The following NEB variants were observed in gnomAD, a reference collection of about 807,000 sequenced individuals.
The protein encoded by NEB is nebulin.
In NEB, 512 loss-of-function variants were observed where a neutral mutation model predicts 952.2. The ratio of observed to expected loss-of-function variants is 0.54; its 90% CI spans 0.50 to 0.58. The LOEUF is 0.58. NEB is among the 20% of genes least tolerant of loss of function. The pLI, the probability that NEB is intolerant of heterozygous loss-of-function variation, is 0.00. For synonymous variants in NEB, 2,900 were observed against 3,149.8 expected (o/e 0.92, Z 2.66); for missense variants, 8,428 against 9,231.1 (o/e 0.91, Z 3.56).
chr2:151,501,434 G>C lies in NEB; in HGVS notation c.23978C>G (p.Pro7993Arg). 1.3e-6 allele frequency: 2 copies of C among 1,547,536 alleles called. No individual in the cohort carries two copies. Among genetic ancestry groups the C allele is most frequent in the Non-Finnish European group, 1.7e-6 (2 of 1,144,610 alleles). ...LSKGTPLPVT[P>R]EMERVKLNQE... ...ATTGAGTTTGACTCGCTCCATCTCA[G>C]GAGTGACAGGTAGGGGAGTCCCCTT... The change falls in exon 168 of 182, where the codon CCT (proline) becomes CGT (arginine). Residue 7993 changes from proline to arginine, a missense_variant. Pro to Arg is a moderately radical substitution (Grantham distance 103). This residue lies in a region of NEB where 3,374 missense variants were observed against 3,651.5 expected (regional missense o/e 0.92). Transcript: ENST00000397345.
At chr2:151,525,442 A>G (rs771561363) in intron 150 of NEB, among the ~76,000 whole-genome samples, 169 bp from the exon 151 acceptor site, 2 of 152,184 alleles carry the variant, frequency 1.3e-5, no homozygotes, top group Admixed American at 6.5e-5. Context: ...GTGTCCTGCA[A>G]CCCAACACTA....
At position 151,497,657 on chromosome 2, in the gene NEB, C is replaced by G. The variant is rs753382223; in HGVS notation, c.24269G>C (p.Arg8090Thr). ...TPLPVTPEME[R>T]VKHNQENISS... ...AATATTTTCTTGATTGTGTTTGACT[C>G]TTTCCATCTCGGGAGTGACAGGTAA... is the stretch of plus-strand genomic sequence containing the variant. Residue 8090 changes from arginine to threonine, a missense_variant, in exon 171 of 182, where the codon AGA becomes ACA. Arg to Thr is a moderately conservative substitution (Grantham distance 71). Transcript: ENST00000397345. 1.9e-6 allele frequency: 3 copies of G among 1,583,708 alleles called. No homozygotes were observed. The highest frequency in any genetic ancestry group is 2.6e-6 in the Non-Finnish European group (3 of 1,162,484).
At chr2:151,645,450 A>C (rs905329618) in intron 55 of NEB, among the ~76,000 whole-genome samples, 3 of 152,224 alleles carry the variant, frequency 2.0e-5, no homozygotes, top group Non-Finnish European at 2.9e-5. Flanking sequence ...GAATTTTAAA[A>C]GCTTAAGTGA....
chr2:151,617,421 G>A lies in NEB; in HGVS notation c.11124C>T (p.Val3708=), dbSNP rs1381890849. The A allele has an allele frequency of 1.9e-6, 3 of 1,559,050 alleles. No individual in the cohort carries two copies. Among genetic ancestry groups the A allele is most frequent in the South Asian group, 2.3e-5 (2 of 85,326 alleles). ...AWDNDKKTIH[V]MPDTPEIMLA... ...ACATGATTTCTGGTGTATCAGGCATGACATGAATAGTTTTCTTGTCATTGT... is the reference window on the plus strand; with the variant it reads ...ACATGATTTCTGGTGTATCAGGCATAACATGAATAGTTTTCTTGTCATTGT... Residue 3708 remains valine (V), a synonymous_variant, in exon 75 of 182, where the codon GTC becomes GTT. Transcript: ENST00000397345.
Position 151,650,654 on chromosome 2 carries a change from T to C in NEB, c.7147A>G (p.Asn2383Asp). ...AGACATGTCCACTGATGCAGGTAGT[T>C]CTTGTAGTCCACGTCACTAACCAAC... is the stretch of plus-strand genomic sequence containing the variant. ...QELVSDVDYK[N>D]YLHQWTCLPD... is the part of the protein sequence containing the mutation. The change falls in exon 53 of 182, where the codon AAC becomes GAC. Residue 2383 changes from asparagine (N) to aspartate (D), a missense_variant. Asn to Asp is a conservative substitution (Grantham distance 23, BLOSUM62 1). Coordinates refer to ENST00000397345, the MANE Select transcript of NEB (RefSeq NM_001164508.2). 6.2e-7 allele frequency: 1 copy of C among 1,613,588 alleles called. No individual in the cohort carries two copies.
Position 151,497,032 on chromosome 2 carries a change from A to T in NEB, c.24302T>A (p.Val8101Glu), listed in dbSNP as rs1440245067. The T allele has an allele frequency of 2.6e-6, 4 of 1,566,428 alleles. No individual in the cohort carries two copies. The highest frequency in any genetic ancestry group is 3.5e-6 in the Non-Finnish European group (4 of 1,153,714). ...CTTGCCCATGTTTTCTTTGTATAACACCTGTGCGATAAGAAAGCAACCAGA... is the reference window on the plus strand; with the variant it reads ...CTTGCCCATGTTTTCTTTGTATAACTCCTGTGCGATAAGAAAGCAACCAGA... ...VKHNQENISS[V>E]LYKENMGKGT... Residue 8101 changes from valine to glutamate, a missense_variant and splice_region_variant, in exon 172 of 182, where the codon GTG (valine) becomes GAG (glutamate). Around this residue, in one of 11 missense-constraint regions of NEB, gnomAD observed 3,374 missense variants for 3,651.5 expected, o/e 0.92. Transcript: ENST00000397345.
In NEB at chr2:151,642,681, T is replaced by C. The variant is rs1157693534; in HGVS notation, c.8266A>G (p.Lys2756Glu). ...AKQNKVNYSE[K>E]LYKLGLEEAK... ...TCTTCTAGGCCAAGCTTATACAATTTCTAAAATAGACATTAATAGTAAGTT... is the reference window on the plus strand; with the variant it reads ...TCTTCTAGGCCAAGCTTATACAATTCCTAAAATAGACATTAATAGTAAGTT... Residue 2756 changes from lysine to glutamate, a missense_variant and splice_region_variant, in exon 60 of 182, where the codon AAA becomes GAA. This residue lies in a region of NEB where 1,772 missense variants were observed against 1,960.3 expected (regional missense o/e 0.90). Coordinates refer to ENST00000397345, the MANE Select transcript of NEB (RefSeq NM_001164508.2). 6.2e-7 allele frequency: 1 copy of C among 1,613,478 alleles called. No individual in the cohort carries two copies.
At position 151,679,898 on chromosome 2, in the gene NEB, C is replaced by T; in HGVS notation, c.3147+20G>A. 1 of 1,605,962 alleles carries T rather than the reference C, an allele frequency of 6.2e-7. No homozygotes were observed. The highest frequency in any genetic ancestry group is 8.5e-7 in the Non-Finnish European group (1 of 1,172,546). Reference sequence around the variant, plus strand: ...GTAAAGTCTGGACATACGCATCAGCCCGTGAGTCCACCCACGCACCTCACT... The same window carrying T: ...GTAAAGTCTGGACATACGCATCAGCTCGTGAGTCCACCCACGCACCTCACT... On this transcript the variant is annotated intron_variant, in intron 31 of 181. Coordinates refer to ENST00000397345, the MANE Select transcript of NEB (RefSeq NM_001164508.2).
In NEB at chr2:151,497,716, C is replaced by T. The variant is rs2061221130; in HGVS notation, c.24210G>A (p.Val8070=). ...VKHNQENLSS[V]LYKENMGKGT... is the part of the protein sequence containing the mutation. ...CCTTGCCCATGTTTTCTTTGTATAA[C>T]ACCTGTGCGATAAGAAAGCATCCAG... The change falls in exon 171 of 182, where the codon GTG becomes GTA. Residue 8070 remains valine, a splice_region_variant and synonymous_variant. Coordinates refer to ENST00000397345, the MANE Select transcript of NEB (RefSeq NM_001164508.2). 1 of 1,573,644 alleles carries T rather than the reference C, an allele frequency of 6.4e-7. No homozygotes were observed. The highest frequency in any genetic ancestry group is 1.3e-5 in the African/African-American group (1 of 74,188).
At position 151,607,488 on chromosome 2, in the gene NEB, T is replaced by C. The variant is rs752536032; in HGVS notation, c.12639+16A>G. 25 of 638,338 alleles carry C rather than the reference T, an allele frequency of 3.9e-5. 6 individuals are homozygous for C. Among genetic ancestry groups the C allele is most frequent in the African/African-American group, 3.2e-4 (20 of 63,156 alleles). 39.5% of individuals were successfully genotyped at this position (638,338 alleles called of 1,614,324 possible). A position where few individuals can be genotyped will look rare whatever the true frequency, so the allele number is the denominator to read the frequency against. ...TGCCCATAAAGGCTTTTACACTTCA[T>C]GTTCGTGCCACTTACATTGCTGATT... On this transcript the variant is annotated intron_variant, in intron 83 of 181. Transcript: ENST00000397345.
intron 47 of NEB, 31 bp downstream of exon 47, chr2:151,659,034 G>A (rs756156443): frequency 1.4e-6 from 2 of 1,420,338 alleles, no homozygotes; most frequent in African/African-American, 2.8e-5. Context: ...CTGCTGGAGA[G>A]AAAGATGACA....
chr2:151,705,047 C>T (rs1262568917), intron 13 of NEB, among the ~76,000 whole-genome samples: 2 of 152,140 alleles, frequency 1.3e-5, no homozygotes, highest in Admixed American at 6.5e-5. Flanking sequence ...TAAGCAATTG[C>T]AAGTTGTTTA....
At chr2:151,518,272 G>A (rs2079407366) in intron 156 of NEB, 46 bp downstream of exon 156, 1 of 1,328,614 alleles carries the variant, frequency 7.5e-7, no homozygotes, top group Non-Finnish European at 1.1e-6. Flanking sequence ...ACATTGTACT[G>A]TGGATGAATG....
At chr2:151,490,632 A>T in intron 179 of NEB, 114 bp from the exon 180 acceptor site, 2 of 1,302,640 alleles carry the variant, frequency 1.5e-6, no homozygotes, top group Non-Finnish European at 2.1e-6. Context: ...GGTTTTAAGT[A>T]CTTTCCCATG....
At chr2:151,560,901 A>G (rs887181886) in intron 123 of NEB, 103 bp downstream of exon 123, 4 of 817,208 alleles carry the variant, frequency 4.9e-6, no homozygotes, top group Non-Finnish European at 7.7e-6. Context: ...AAAAAACCAT[A>G]GAAAAGCCTT....
chr2:151,683,767 T>C (rs1392316456), intron 28 of NEB, among the ~76,000 whole-genome samples: 1 of 152,156 alleles, frequency 6.6e-6, no homozygotes, highest in Non-Finnish European at 1.5e-5. Context: ...CACATGCCCA[T>C]ATTCATAGCA....
intron 124 of NEB, among the ~76,000 whole-genome samples, chr2:151,556,024 G>C (rs972829393): frequency 6.6e-6 from 1 of 152,084 alleles, no homozygotes; most frequent in Non-Finnish European, 1.5e-5. Flanking sequence ...ATGACTCAAG[G>C]AAAAAGCCTC....
In NEB at chr2:151,668,948, A is replaced by G. The variant is rs1391784577; in HGVS notation, c.4611+79T>C. 8 of 1,102,554 alleles carry G rather than the reference A, an allele frequency of 7.3e-6. No homozygotes were observed. The East Asian group carries it at 1.6e-4, about 22-fold the overall frequency. The allele number at this position is 1,102,554 out of a possible 1,614,324, so 68.3% of individuals were successfully genotyped here. Reference sequence around the variant, plus strand: ...GTCCACACTGAATTGCGCCCCCTACAATTCTCAGAGCAAGAGTTGCAAAGA... The same window carrying G: ...GTCCACACTGAATTGCGCCCCCTACGATTCTCAGAGCAAGAGTTGCAAAGA... On this transcript the variant is annotated intron_variant, in intron 39 of 181. Coordinates refer to ENST00000397345, the MANE Select transcript of NEB (RefSeq NM_001164508.2).
intron 171 of NEB, 45 bp from the exon 172 acceptor site, chr2:151,497,078 T>G: frequency 6.5e-7 from 1 of 1,540,244 alleles, no homozygotes; most frequent in Non-Finnish European, 8.8e-7. Flanking sequence ...TGAGTAACAT[T>G]TCATTTGTTG....
Sources: gnomAD v4.1 joint callset for allele counts (sites outside exome capture counted in the v4.1 genomes callset) on GRCh38, gnomAD v4.1.1 for gene constraint, gnomAD v4.1.1 regional missense constraint, MANE v1.5 for transcripts, NCBI Gene and HGNC (gene_info 2026-07-23, HGNC 2026-07-21) for gene names.